FIRRM: variants seen among roughly 807,000 people sequenced by gnomAD.
The protein encoded by FIRRM is FIGNL1-interacting regulator of recombination and mitosis.
chr1:169,804,053 A>G, the FIRRM span: 17 of 1,401,896 alleles, frequency 1.2e-5, no homozygotes, highest in Non-Finnish European at 1.4e-5. Flanking sequence ...TTTTTCTCTC[A>G]TTTTTATTTA....
chr1:169,838,743 GT>G, the FIRRM span, among the ~76,000 whole-genome samples: 1 of 152,072 alleles, frequency 6.6e-6, no homozygotes, highest in African/African-American at 2.4e-5. Context: ...GTCCACCTCG[GT>G]CTCCCAAAGT....
the FIRRM span, among the ~76,000 whole-genome samples, chr1:169,801,413 C>T: frequency 7.0e-6 from 1 of 142,846 alleles, no homozygotes; most frequent in African/African-American, 2.6e-5. Flanking sequence ...CCATTGCACT[C>T]CAGCCTGGGC....
chr1:169,837,334 C>G, the FIRRM span, among the ~76,000 whole-genome samples: 1 of 152,104 alleles, frequency 6.6e-6, no homozygotes, highest in African/African-American at 2.4e-5. Context: ...TTTCCTATGT[C>G]GCTTAAGGTA....
the FIRRM span, chr1:169,795,427 C>G: frequency 0.69 from 947,929 of 1,375,902 alleles, 330,042 homozygotes; most frequent in African/African-American, 0.93. Flanking sequence ...CCCTGGAAAG[C>G]CTCGCGGACG....
At chr1:169,804,184 T>C in the FIRRM span, 2 of 1,599,104 alleles carry the variant, frequency 1.3e-6, no homozygotes, top group Non-Finnish European at 1.7e-6. Context: ...CTGCTGGACA[T>C]GGTTTGCATG....
chr1:169,795,874 A>C, the FIRRM span: 1 of 985,024 alleles, frequency 1.0e-6, no homozygotes. Context: ...GTTGGCTTTC[A>C]ACTGTTGGAT....
chr1:169,838,956 C>T, the FIRRM span, among the ~76,000 whole-genome samples: 19 of 152,178 alleles, frequency 1.2e-4, no homozygotes, highest in East Asian at 5.8e-4. Context: ...CTACTAGTCC[C>T]GTGTTTATTG....
chr1:169,842,552 A>G, the FIRRM span: 7 of 1,611,764 alleles, frequency 4.3e-6, no homozygotes, highest in East Asian at 2.2e-5. Flanking sequence ...AAGGAAAGCA[A>G]CTGATCCTTT....
At chr1:169,800,533 G>A in the FIRRM span, among the ~76,000 whole-genome samples, 5 of 152,044 alleles carry the variant, frequency 3.3e-5, no homozygotes, top group South Asian at 2.1e-4. Context: ...ATCATTCTTC[G>A]TACATGTTTA....
the FIRRM span, among the ~76,000 whole-genome samples, chr1:169,805,243 G>T: frequency 6.6e-6 from 1 of 152,192 alleles, no homozygotes; most frequent in Non-Finnish European, 1.5e-5. Flanking sequence ...GGGATGTCCT[G>T]AGACAACTTT....
the FIRRM span, chr1:169,807,806 C>G: frequency 6.3e-7 from 1 of 1,597,046 alleles, no homozygotes; most frequent in African/African-American, 1.4e-5. Context: ...GCCTTAAGCA[C>G]CAGTCCATAA....
At chr1:169,806,017 AT>A in the FIRRM span, 1 of 1,598,998 alleles carries the variant, frequency 6.3e-7, no homozygotes. Flanking sequence ...TTCATTCTTT[AT>A]TGGATATCTG....
chr1:169,785,122 T>C, the FIRRM span, among the ~76,000 whole-genome samples: 2 of 151,892 alleles, frequency 1.3e-5, no homozygotes, highest in Admixed American at 6.6e-5. Flanking sequence ...GATGGGAGAG[T>C]TCTCTGGCCC....
chr1:169,825,040 A>G, the FIRRM span, among the ~76,000 whole-genome samples: 1 of 152,188 alleles, frequency 6.6e-6, no homozygotes, highest in East Asian at 1.9e-4. Flanking sequence ...TGATCAGGCC[A>G]AAAAACCTTG....
At chr1:169,811,808 A>G in the FIRRM span, among the ~76,000 whole-genome samples, 2 of 149,578 alleles carry the variant, frequency 1.3e-5, no homozygotes, top group African/African-American at 2.5e-5. Context: ...TAAATAGATA[A>G]TAGACAGATT....
chr1:169,810,945 C>A, the FIRRM span, among the ~76,000 whole-genome samples: 45 of 148,472 alleles, frequency 3.0e-4, no homozygotes, highest in Non-Finnish European at 5.3e-4. Context: ...CTGCAAGCTC[C>A]GCTTCCCGGG....
At chr1:169,845,799 A>AC in the FIRRM span, among the ~76,000 whole-genome samples, 1 of 151,158 alleles carries the variant, frequency 6.6e-6, no homozygotes, top group African/African-American at 2.4e-5. Flanking sequence ...GTAGGCTTGA[A>AC]CCCCCCAAAG....
the FIRRM span, among the ~76,000 whole-genome samples, chr1:169,796,450 A>G: frequency 0.033 from 5,020 of 152,304 alleles, 130 homozygotes; most frequent in Non-Finnish European, 0.054. Context: ...AACTTCCTCT[A>G]GTTTTCTTCA....
chr1:169,822,624 C>T, the FIRRM span, among the ~76,000 whole-genome samples: 1 of 151,966 alleles, frequency 6.6e-6, no homozygotes, highest in Non-Finnish European at 1.5e-5. Flanking sequence ...CTCAGCCTCC[C>T]GAGGAGCTGA....
Sources: gnomAD v4.1 joint callset for allele counts (sites outside exome capture counted in the v4.1 genomes callset) on GRCh38, gnomAD v4.1.1 for gene constraint, MANE v1.5 for transcripts, NCBI Gene and HGNC (gene_info 2026-07-23, HGNC 2026-07-21) for gene names.